The following PCDH15 variants were observed in gnomAD, a reference collection of about 807,000 sequenced individuals.
PCDH15 encodes protocadherin related 15.
Under a neutral mutation model 178.5 loss-of-function variants are expected in PCDH15, and 129 were observed. That is an observed-to-expected ratio of 0.72 (90% CI 0.63 to 0.84). The LOEUF (loss-of-function observed/expected upper bound fraction) is 0.84. Ranked by LOEUF, PCDH15 falls within the 40% of genes least tolerant of loss-of-function variation. The pLI is 0.00. For synonymous variants in PCDH15, 800 were observed against 732.0 expected (o/e 1.09, Z -1.50); for missense variants, 2,230 against 2,099.9 (o/e 1.06, Z -1.21).
intron 2 of PCDH15, among the ~76,000 whole-genome samples, chr10:55,089,270 T>C (rs1842256693): frequency 6.6e-6 from 1 of 152,154 alleles, no homozygotes; most frequent in African/African-American, 2.4e-5. Context: ...TAAAATAGTT[T>C]GTGAAAGGGT....
chr10:54,034,721 T>C (rs2093377068), intron 18 of PCDH15, among the ~76,000 whole-genome samples: 1 of 151,878 alleles, frequency 6.6e-6, no homozygotes, highest in African/African-American at 2.4e-5. Flanking sequence ...GCTGCCTTCC[T>C]TCAGATATAC....
intron 3 of PCDH15, among the ~76,000 whole-genome samples, chr10:54,407,135 A>G (rs1952789415): frequency 6.6e-6 from 1 of 152,160 alleles, no homozygotes. Context: ...ATATCCACTG[A>G]TAAAAATTTC....
chr10:54,777,294 G>T (rs937286650), intron 1 of PCDH15, among the ~76,000 whole-genome samples: 5 of 152,186 alleles, frequency 3.3e-5, no homozygotes, highest in African/African-American at 7.2e-5. Flanking sequence ...GGGTGCGGAT[G>T]TGTACTTGAC....
In PCDH15 at chr10:54,214,037, C is replaced by A; in HGVS notation, c.997G>T (p.Asp333Tyr). The change falls in exon 10 of 38, where the codon GAT becomes TAT. Residue 333 changes from aspartate to tyrosine, a missense_variant. Coordinates refer to ENST00000644397, the MANE Select transcript of PCDH15 (RefSeq NM_001384140.1). ...TGCATATGGAAAAATCGTGGGTAAT[C>A]CTCAGGAGTCCCTGGAAGACATTGA... The part of the protein sequence containing the change: ...LYSILVGTPE[D>Y]YPRFFHMHPR... 6.3e-7 allele frequency: 1 copy of A among 1,576,612 alleles called. No individual in the cohort carries two copies. Among genetic ancestry groups the A allele is most frequent in the Non-Finnish European group, 8.7e-7 (1 of 1,146,286 alleles).
chr10:54,153,431 GT>G (rs1305789136), intron 13 of PCDH15, 138 bp from the exon 14 acceptor site: 1 of 855,578 alleles, frequency 1.2e-6, no homozygotes, highest in Non-Finnish European at 1.8e-6. Flanking sequence ...ACTGTTTTTT[GT>G]TTTTTGTTTT....
intron 29 of PCDH15, among the ~76,000 whole-genome samples, chr10:53,838,158 G>A (rs1322993378): frequency 6.6e-6 from 1 of 151,654 alleles, no homozygotes. Flanking sequence ...TGTATTTTTA[G>A]TAGAGACGGG....
At chr10:55,478,521 A>C (rs1385523713) in intron 2 of PCDH15, among the ~76,000 whole-genome samples, 1 of 151,682 alleles carries the variant, frequency 6.6e-6, no homozygotes, top group Non-Finnish European at 1.5e-5. Flanking sequence ...AGAAGTTTAC[A>C]GTAATAAACA....
chr10:55,070,921 C>T (rs1245388293), intron 2 of PCDH15, among the ~76,000 whole-genome samples: 2 of 152,086 alleles, frequency 1.3e-5, no homozygotes, highest in East Asian at 3.9e-4. Context: ...ATGGAATGTT[C>T]TTCCATTTCT....
chr10:54,085,936 A>G (rs912801827), intron 16 of PCDH15, among the ~76,000 whole-genome samples: 11 of 152,178 alleles, frequency 7.2e-5, no homozygotes, highest in Non-Finnish European at 1.2e-4. Context: ...AGTATACAAT[A>G]GACATGTAAA....
At chr10:54,880,731 A>G (rs189131926) in intron 3 of PCDH15, among the ~76,000 whole-genome samples, 138 of 150,686 alleles carry the variant, frequency 9.2e-4, no homozygotes, top group African/African-American at 3.2e-3. Context: ...AAAAGAAAAT[A>G]TATTAAATTA....
At chr10:55,584,455 G>C (rs528065200) in intron 2 of PCDH15, among the ~76,000 whole-genome samples, 2 of 151,656 alleles carry the variant, frequency 1.3e-5, no homozygotes, top group East Asian at 3.9e-4. Context: ...TCAAGAGATC[G>C]AGACCATCCT....
intron 17 of PCDH15, among the ~76,000 whole-genome samples, chr10:54,069,919 T>C (rs2094207874): frequency 6.6e-6 from 1 of 152,140 alleles, no homozygotes; most frequent in Non-Finnish European, 1.5e-5. Flanking sequence ...AATATATATA[T>C]AATGCCAGTT....
At chr10:54,117,523 C>T (rs879901646) in intron 15 of PCDH15, among the ~76,000 whole-genome samples, 11 of 152,120 alleles carry the variant, frequency 7.2e-5, no homozygotes, top group Non-Finnish European at 1.3e-4. Context: ...GTTTGTGTTA[C>T]AGCTCTTCTT....
intron 2 of PCDH15, among the ~76,000 whole-genome samples, chr10:54,948,529 A>G (rs1474162755): frequency 6.6e-6 from 1 of 151,996 alleles, no homozygotes; most frequent in Non-Finnish European, 1.5e-5. Context: ...ACTTACATCA[A>G]TAGACTGAGT....
At chr10:55,567,465 C>T (rs867430478) in intron 2 of PCDH15, among the ~76,000 whole-genome samples, 5 of 150,366 alleles carry the variant, frequency 3.3e-5, no homozygotes, top group Non-Finnish European at 7.4e-5. Context: ...AATAAAAATG[C>T]ATGCATCAAA....
chr10:54,197,372 A>C (rs971301305), intron 10 of PCDH15, among the ~76,000 whole-genome samples: 1 of 152,044 alleles, frequency 6.6e-6, no homozygotes, highest in African/African-American at 2.4e-5. Flanking sequence ...TTAAAGGAAG[A>C]TTTCATCACA....
intron 29 of PCDH15, among the ~76,000 whole-genome samples, chr10:53,835,162 C>CTT (rs1323968159): frequency 6.6e-6 from 1 of 152,026 alleles, no homozygotes; most frequent in Non-Finnish European, 1.5e-5. Flanking sequence ...TAGTTTTTTA[C>CTT]TTAGAACATT....
chr10:54,609,440 T>C (rs1259117866), intron 2 of PCDH15, among the ~76,000 whole-genome samples: 2 of 152,082 alleles, frequency 1.3e-5, no homozygotes, highest in African/African-American at 4.8e-5. Context: ...AAAATGCAGC[T>C]ATCTAATTTA....
chr10:53,901,729 C>T (rs2082348705), intron 26 of PCDH15, among the ~76,000 whole-genome samples: 1 of 152,150 alleles, frequency 6.6e-6, no homozygotes, highest in Non-Finnish European at 1.5e-5. Context: ...CCCTGTCTAC[C>T]TTTAGGGCTT....
Sources: allele counts gnomAD v4.1 joint callset (sites outside exome capture counted in the v4.1 genomes callset), GRCh38; gene constraint gnomAD v4.1.1; transcripts MANE v1.5; gene names NCBI Gene and HGNC (gene_info 2026-07-23, HGNC 2026-07-21).